The following MBD2 variants were observed in gnomAD, a reference collection of about 807,000 sequenced individuals.
MBD2 encodes the protein methyl-CpG-binding domain protein 2.
Under a neutral mutation model 39.3 loss-of-function variants are expected in MBD2, and 9 were observed. The observed-to-expected ratio is 0.23, with a 90% CI of 0.14 to 0.40. The LOEUF (loss-of-function observed/expected upper bound fraction) is 0.40. MBD2 is among the 10% of genes least tolerant of loss of function. The pLI is 1.00. For synonymous variants in MBD2, 233 were observed against 211.1 expected (o/e 1.10, Z -0.90); for missense variants, 458 against 532.6 (o/e 0.86, Z 1.38).
At chr18:54,194,377 T>G (rs1218329777) in intron 2 of MBD2, among the ~76,000 whole-genome samples, 1 of 152,078 alleles carries the variant, frequency 6.6e-6, no homozygotes, top group East Asian at 1.9e-4. Context: ...TATTTCTTAT[T>G]TTAAACCTGA....
rs558356472 is a variant in MBD2 at position 54,206,504 on chromosome 18, T to C, written c.543-1347A>G. On this transcript the variant is annotated intron_variant, in intron 1 of 6. Transcript: ENST00000256429. ...ACCACAATAAAAGAAAAATAACTCA[T>C]AGGAAGATAAAAGGAAAAAGGCTGA... 3.3e-5 allele frequency among the ~76,000 whole-genome samples: 5 copies of C among 152,192 alleles called. No individual in the cohort carries two copies. In the South Asian group the frequency reaches 6.2e-4, roughly 19 times the overall value.
At chr18:54,204,238 G>T (rs186177442) in intron 2 of MBD2, among the ~76,000 whole-genome samples, 61 of 152,294 alleles carry the variant, frequency 4.0e-4, no homozygotes, top group Admixed American at 2.6e-3. Context: ...ACAGATCCTT[G>T]AAGTTTAGAG....
At chr18:54,173,255 T>C (rs2086190447) in intron 3 of MBD2, among the ~76,000 whole-genome samples, 1 of 152,122 alleles carries the variant, frequency 6.6e-6, no homozygotes. Flanking sequence ...TGGTAAGCAG[T>C]ACTGGCTATA....
At chr18:54,219,249 T>C (rs1439946724) in intron 1 of MBD2, among the ~76,000 whole-genome samples, 1 of 152,120 alleles carries the variant, frequency 6.6e-6, no homozygotes, top group Non-Finnish European at 1.5e-5. Flanking sequence ...ATGATGAAAA[T>C]TAGAAACTAC....
At chr18:54,199,647 C>T (rs2086390982) in intron 2 of MBD2, among the ~76,000 whole-genome samples, 1 of 152,180 alleles carries the variant, frequency 6.6e-6, no homozygotes, top group Non-Finnish European at 1.5e-5. Flanking sequence ...GACTCCTCTG[C>T]CCCAAGTGAC....
At chr18:54,197,547 AAATT>A (rs1486572221) in intron 2 of MBD2, among the ~76,000 whole-genome samples, 1 of 152,238 alleles carries the variant, frequency 6.6e-6, no homozygotes, top group Non-Finnish European at 1.5e-5. Context: ...TTACTCACAT[AAATT>A]ATTTCCCTAA....
At chr18:54,177,231 G>C (rs531263398) in intron 3 of MBD2, among the ~76,000 whole-genome samples, 1 of 152,308 alleles carries the variant, frequency 6.6e-6, no homozygotes, top group South Asian at 2.1e-4. Context: ...AGTATACTTG[G>C]AATTATTTGC....
rs943521131 is a variant in MBD2 at position 54,153,419 on chromosome 18, C to T, written c.*1905G>A. Reference sequence around the variant, plus strand: ...GTCCCCAAGGGACACCATATAATGGCTTTCATACCTTGTTCTCCACCTGAG... The same window carrying T: ...GTCCCCAAGGGACACCATATAATGGTTTTCATACCTTGTTCTCCACCTGAG... On this transcript the variant is annotated 3_prime_UTR_variant, in exon 7 of 7. Coordinates refer to ENST00000256429, the MANE Select transcript of MBD2 (RefSeq NM_003927.5). 18 of 151,520 alleles carry T rather than the reference C, an allele frequency of 1.2e-4. No homozygotes were observed. Among genetic ancestry groups the T allele is most frequent in the Admixed American group, 1.2e-3 (18 of 15,210 alleles). 9.4% of individuals were successfully genotyped at this position (151,520 alleles called of 1,614,324 possible). A position where few individuals can be genotyped will look rare whatever the true frequency, so the allele number is the denominator to read the frequency against.
intron 2 of MBD2, chr18:54,203,069 G>A (rs767746369): frequency 8.6e-6 from 13 of 1,510,078 alleles, no homozygotes; most frequent in Non-Finnish European, 1.2e-5. Flanking sequence ...GAAAGCGCAT[G>A]CCATGGTGCA....
At chr18:54,170,647 T>C (rs2086173264) in intron 3 of MBD2, among the ~76,000 whole-genome samples, 1 of 152,244 alleles carries the variant, frequency 6.6e-6, no homozygotes. Flanking sequence ...ATATGCAATG[T>C]GTTTTTCTTG....
At chr18:54,199,377 T>C (rs1266266789) in intron 2 of MBD2, among the ~76,000 whole-genome samples, 1 of 152,210 alleles carries the variant, frequency 6.6e-6, no homozygotes, top group Non-Finnish European at 1.5e-5. Flanking sequence ...CTCCTATTTA[T>C]TTTCTGGAAG....
At chr18:54,163,939 A>G (rs1354744512) in intron 5 of MBD2, among the ~76,000 whole-genome samples, 1 of 152,150 alleles carries the variant, frequency 6.6e-6, no homozygotes, top group African/African-American at 2.4e-5. Context: ...GCTGGAGTGC[A>G]GGGATGTGAC....
chr18:54,160,590 G>A (rs1162448867), intron 5 of MBD2, among the ~76,000 whole-genome samples: 5 of 149,342 alleles, frequency 3.3e-5, no homozygotes, highest in Admixed American at 1.3e-4. Context: ...TCATTAAAAA[G>A]GCTCTGAACC....
chr18:54,155,525 T>C (rs1459636304), intron 6 of MBD2, among the ~76,000 whole-genome samples: 1 of 152,064 alleles, frequency 6.6e-6, no homozygotes, highest in East Asian at 1.9e-4. Flanking sequence ...TAACCTTTAC[T>C]ATCCTGTTAA....
chr18:54,201,485 G>C (rs377231092), intron 2 of MBD2, among the ~76,000 whole-genome samples: 1 of 152,126 alleles, frequency 6.6e-6, no homozygotes, highest in Non-Finnish European at 1.5e-5. Context: ...TGCAAAAATA[G>C]TAGTAGAGAT....
intron 3 of MBD2, 66 bp downstream of exon 3, chr18:54,188,808 T>A: frequency 1.3e-6 from 2 of 1,494,670 alleles, no homozygotes; most frequent in South Asian, 2.7e-5. Flanking sequence ...TTTATTTGAA[T>A]TATTTCTGGT....
intron 1 of MBD2, among the ~76,000 whole-genome samples, chr18:54,210,469 T>C (rs2086493815): frequency 6.6e-6 from 1 of 152,218 alleles, no homozygotes; most frequent in African/African-American, 2.4e-5. Flanking sequence ...CCAGAAGACC[T>C]GCTGCCTGCA....
chr18:54,212,760 T>C (rs1206695699), intron 1 of MBD2, among the ~76,000 whole-genome samples: 3 of 151,936 alleles, frequency 2.0e-5, no homozygotes, highest in Admixed American at 2.0e-4. Flanking sequence ...TTGGGCAAAG[T>C]GGCTCACACC....
intron 2 of MBD2, among the ~76,000 whole-genome samples, chr18:54,203,321 A>C (rs1365990209): frequency 6.6e-6 from 1 of 152,212 alleles, no homozygotes; most frequent in Non-Finnish European, 1.5e-5. Flanking sequence ...ATTTTAGAAA[A>C]ATACACCTGA....
Sources: allele counts gnomAD v4.1 joint callset (sites outside exome capture counted in the v4.1 genomes callset), GRCh38; gene constraint gnomAD v4.1.1; transcripts MANE v1.5; gene names NCBI Gene and HGNC (gene_info 2026-07-23, HGNC 2026-07-21).